The following FRMD3 variants were observed in gnomAD, a reference collection of about 807,000 sequenced individuals.
FRMD3 encodes the protein FERM domain-containing protein 3.
Under a neutral mutation model 70.2 loss-of-function variants are expected in FRMD3, and 33 were observed. The ratio of observed to expected loss-of-function variants is 0.47; its 90% CI spans 0.36 to 0.63. The LOEUF (loss-of-function observed/expected upper bound fraction) is 0.63. FRMD3 is among the 20% of genes least tolerant of loss of function. The pLI, the probability that FRMD3 is intolerant of heterozygous loss-of-function variation, is 0.00. For missense variants in FRMD3, 632 were observed against 711.4 expected (o/e 0.89, Z 1.27); for synonymous variants, 279 against 255.9 (o/e 1.09, Z -0.86).
chr9:83,536,578 C>A (rs1455350924), intron 1 of FRMD3, among the ~76,000 whole-genome samples: 6 of 152,198 alleles, frequency 3.9e-5, no homozygotes, highest in Non-Finnish European at 7.3e-5. Context: ...ACCCTTGTGG[C>A]AGTAGAAACA....
At chr9:83,313,039 AAAG>A (rs1448992135) in intron 7 of FRMD3, among the ~76,000 whole-genome samples, 1 of 152,226 alleles carries the variant, frequency 6.6e-6, no homozygotes, top group Non-Finnish European at 1.5e-5. Context: ...TAATATATGG[AAAG>A]AAGAACGTTG....
chr9:83,373,459 A>G (rs1400356792), intron 2 of FRMD3, among the ~76,000 whole-genome samples: 1 of 152,198 alleles, frequency 6.6e-6, no homozygotes, highest in Non-Finnish European at 1.5e-5. Context: ...CCTTTACAGT[A>G]GGGAGGAGTA....
At chr9:83,244,045 T>G (rs1040965959), downstream of FRMD3, among the ~76,000 whole-genome samples, 4 of 152,064 alleles carry the variant, frequency 2.6e-5, no homozygotes, top group African/African-American at 4.8e-5. Context: ...GGAGAATTGC[T>G]TGAACCCAGG....
At chr9:83,498,638 T>C (rs947293499) in intron 1 of FRMD3, among the ~76,000 whole-genome samples, 8 of 152,200 alleles carry the variant, frequency 5.3e-5, no homozygotes, top group Admixed American at 3.9e-4. Context: ...GACTACCATC[T>C]TGAACAGGGC....
intron 3 of FRMD3, among the ~76,000 whole-genome samples, chr9:83,353,926 T>TC (rs1824249167): frequency 6.7e-6 from 1 of 148,584 alleles, no homozygotes; most frequent in Admixed American, 6.8e-5. Flanking sequence ...AAAAATTTTG[T>TC]CTTTTTTTTT....
At chr9:83,366,193 C>T (rs1350222709) in intron 3 of FRMD3, among the ~76,000 whole-genome samples, 2 of 151,888 alleles carry the variant, frequency 1.3e-5, no homozygotes, top group African/African-American at 4.8e-5. Context: ...GAAAAAAAAA[C>T]AGTATGGAGT....
At chr9:83,485,155 C>T (rs1285171572) in intron 1 of FRMD3, among the ~76,000 whole-genome samples, 3 of 152,200 alleles carry the variant, frequency 2.0e-5, no homozygotes, top group Non-Finnish European at 4.4e-5. Context: ...TGGGAAAGCC[C>T]ATACAGACAA....
the FRMD3 span, among the ~76,000 whole-genome samples, chr9:83,561,043 T>C: frequency 6.6e-6 from 1 of 152,226 alleles, no homozygotes; most frequent in Admixed American, 6.5e-5. Context: ...AGGAAACACT[T>C]CCTTCTCTGA....
At chr9:83,455,303 G>T (rs958458781) in intron 1 of FRMD3, among the ~76,000 whole-genome samples, 2 of 152,090 alleles carry the variant, frequency 1.3e-5, no homozygotes, top group East Asian at 1.9e-4. Context: ...ATATGGTTTG[G>T]CTGTGTCCCC....
At chr9:83,257,964 A>G (rs2118646558) in intron 13 of FRMD3, among the ~76,000 whole-genome samples, 1 of 152,364 alleles carries the variant, frequency 6.6e-6, no homozygotes, top group East Asian at 1.9e-4. Context: ...TAGCAATATA[A>G]CTATGTTTTT....
chr9:83,484,290 C>T (rs1214157412), intron 1 of FRMD3, among the ~76,000 whole-genome samples: 1 of 152,178 alleles, frequency 6.6e-6, no homozygotes. Context: ...TAGAATACAA[C>T]ATATGTACTA....
intron 13 of FRMD3, chr9:83,267,105 G>A (rs991481483): frequency 2.6e-5 from 40 of 1,550,594 alleles, no homozygotes; most frequent in Middle Eastern, 1.7e-4. Flanking sequence ...TGGAGGCTTC[G>A]TCGAGTCTGG....
At chr9:83,555,909 C>T in the FRMD3 span, among the ~76,000 whole-genome samples, 2 of 152,164 alleles carry the variant, frequency 1.3e-5, no homozygotes, top group African/African-American at 2.4e-5. Context: ...CGTGGTTTCC[C>T]GGGATCGGTC....
Position 83,314,063 on chromosome 9 carries a change from A to G in FRMD3, c.597-316T>C, listed in dbSNP as rs186099597. 2.0e-5 allele frequency among the ~76,000 whole-genome samples: 3 copies of G among 152,320 alleles called. No individual in the cohort carries two copies. The East Asian group carries it at 5.8e-4, about 29-fold the overall frequency. On this transcript the variant is annotated intron_variant, in intron 6 of 13. Transcript: ENST00000304195. Reference sequence around the variant, plus strand: ...GCAAATTCAACCTTAATACGAAATAAAACTAATCATCTGTTCTTTCTGCTA... The same window carrying G: ...GCAAATTCAACCTTAATACGAAATAGAACTAATCATCTGTTCTTTCTGCTA...
At chr9:83,287,415 C>T (rs1332027949) in intron 13 of FRMD3, among the ~76,000 whole-genome samples, 1 of 152,198 alleles carries the variant, frequency 6.6e-6, no homozygotes, top group Non-Finnish European at 1.5e-5. Flanking sequence ...ATATCTGCCT[C>T]TAATCCATTC....
At chr9:83,379,266 T>C (rs1825283880) in intron 2 of FRMD3, among the ~76,000 whole-genome samples, 2 of 152,168 alleles carry the variant, frequency 1.3e-5, no homozygotes, top group Admixed American at 1.3e-4. Flanking sequence ...ACAGATGGAT[T>C]ACACTTGAGG....
chr9:83,247,438 T>C lies in FRMD3; in HGVS notation c.*480A>G. ...AATAGTTTGAACACATAAAAATATT[T>C]TTAAAAAAACAGAACCAAAAACCCA... On this transcript the variant is annotated 3_prime_UTR_variant, in exon 14 of 14. Transcript: ENST00000304195. 1.0e-6 allele frequency: 1 copy of C among 982,852 alleles called. No homozygotes were observed. Among genetic ancestry groups the C allele is most frequent in the Non-Finnish European group, 1.2e-6 (1 of 827,400 alleles). 60.9% of individuals were successfully genotyped at this position (982,852 alleles called of 1,614,324 possible).
the FRMD3 span, among the ~76,000 whole-genome samples, chr9:83,582,496 C>A: frequency 6.6e-6 from 1 of 151,958 alleles, no homozygotes; most frequent in South Asian, 2.1e-4. Context: ...ATTTTAAATT[C>A]TTGGGGTAAG....
At chr9:83,446,798 A>G (rs924911845) in intron 1 of FRMD3, among the ~76,000 whole-genome samples, 2 of 152,292 alleles carry the variant, frequency 1.3e-5, no homozygotes, top group Admixed American at 6.5e-5. Context: ...TTTACTCTGC[A>G]TATATGAAAG....
Sources: gnomAD v4.1 joint callset for allele counts (sites outside exome capture counted in the v4.1 genomes callset) on GRCh38, gnomAD v4.1.1 for gene constraint, MANE v1.5 for transcripts, NCBI Gene and HGNC (gene_info 2026-07-23, HGNC 2026-07-21) for gene names.